ZNF718: variants seen among roughly 807,000 people sequenced by gnomAD.
ZNF718 encodes zinc finger protein 718.
ZNF718 carries 3 observed loss-of-function variants against 2.6 expected under a neutral mutation model. The ratio of observed to expected loss-of-function variants is 1.16; its 90% confidence interval spans 0.53 to 3.01. ZNF718 has a LOEUF of 3.01. ZNF718 is among the 30% of genes most tolerant of loss of function. The pLI is 0.03. For synonymous variants in ZNF718, 135 were observed against 77.9 expected (o/e 1.73, Z -3.86); for missense variants, 468 against 230.0 (o/e 2.03, Z -6.69).
At chr4:125,607 C>A (rs1028434456) in intron 1 of ZNF718, among the ~76,000 whole-genome samples, 7 of 152,142 alleles carry the variant, frequency 4.6e-5, no homozygotes, top group Admixed American at 3.3e-4. Flanking sequence ...GGAGGCGCGG[C>A]CGGGTTCTGC....
At chr4:124,958 C>T in intron 1 of ZNF718, 1 of 370,984 alleles carries the variant, frequency 2.7e-6, no homozygotes, top group Non-Finnish European at 5.0e-6. Context: ...GCGGTGCCGG[C>T]GTGGGAGGAG....
At chr4:152,714 A>G (rs1170114143) in intron 3 of ZNF718, among the ~76,000 whole-genome samples, 1 of 152,152 alleles carries the variant, frequency 6.6e-6, no homozygotes, top group African/African-American at 2.4e-5. Context: ...CCCACAAACC[A>G]AAGTGCTGGG....
chr4:153,914 T>C (rs1716450746), intron 3 of ZNF718, among the ~76,000 whole-genome samples: 1 of 152,192 alleles, frequency 6.6e-6, no homozygotes. Flanking sequence ...TATGACAATA[T>C]TCAACTGTGT....
At chr4:200,040 C>T (rs1717867935) in intron 3 of ZNF718, among the ~76,000 whole-genome samples, 1 of 152,122 alleles carries the variant, frequency 6.6e-6, no homozygotes, top group South Asian at 2.1e-4. Flanking sequence ...GCCAGTATGA[C>T]TAGTCAAATG....
chr4:170,952 C>T (rs1314121262), intron 3 of ZNF718, among the ~76,000 whole-genome samples: 1 of 152,054 alleles, frequency 6.6e-6, no homozygotes, highest in Non-Finnish European at 1.5e-5. Context: ...TTTTTCTGCT[C>T]CGTTTTTCCC....
chr4:186,315 A>G lies in ZNF718; in HGVS notation c.227-14766A>G, dbSNP rs984224413. On this transcript the variant is annotated intron_variant and NMD_transcript_variant, in intron 3 of 4. Transcript: ENST00000642529. ...TAAGAATGTTGAATATTGGCCCCCA[A>G]TCTCTTCTGGCTTGTAGGGTTTCCA... Among the ~76,000 whole-genome samples, 4 of 151,902 alleles carry G rather than the reference A, an allele frequency of 2.6e-5. No homozygotes were observed. The East Asian group carries it at 7.7e-4, about 29-fold the overall frequency.
intron 3 of ZNF718, among the ~76,000 whole-genome samples, chr4:157,103 C>CTTTT (rs199814257): frequency 4.4e-4 from 45 of 103,134 alleles, no homozygotes; most frequent in Non-Finnish European, 7.1e-4. Context: ...TTCTTTCTTT[C>CTTTT]TTTTTTTTTT....
chr4:164,599 T>C (rs1717044133), downstream of ZNF718, among the ~76,000 whole-genome samples: 1 of 152,148 alleles, frequency 6.6e-6, no homozygotes, highest in African/African-American at 2.4e-5. Context: ...GGTCAGAAAT[T>C]ATAAGAATGA....
At chr4:145,719 A>C (rs972427400) in intron 3 of ZNF718, among the ~76,000 whole-genome samples, 1 of 152,136 alleles carries the variant, frequency 6.6e-6, no homozygotes, top group East Asian at 1.9e-4. Context: ...TGGCCTCTCC[A>C]AGTGCTAGGA....
At position 157,112 on chromosome 4, in the gene ZNF718, T is replaced by C. The variant is rs1716607785; in HGVS notation, c.227-3800T>C. ...GTTTCTTTCTTTCTTTCTTTTTTTT[T>C]TTTTTTTTTTTTTTTTTTTCAGACA... On this transcript the variant is annotated intron_variant, in intron 3 of 3. Transcript: ENST00000510175. 1.5e-4 allele frequency among the ~76,000 whole-genome samples: 15 copies of C among 102,142 alleles called. 1 individual carries two copies. Among genetic ancestry groups the C allele is most frequent in the South Asian group, 3.8e-4 (1 of 2,616 alleles). The allele number at this position is 102,142 out of a possible 152,430, so 67.0% of individuals were successfully genotyped here.
At position 135,284 on chromosome 4, in the gene ZNF718, G is replaced by A. The variant is rs550420307; in HGVS notation, c.226+3779G>A. 2.7e-5 allele frequency among the ~76,000 whole-genome samples: 4 copies of A among 150,798 alleles called. No homozygotes were observed. In the East Asian group the frequency reaches 5.9e-4, roughly 22 times the overall value. ...TTTATTTTGTCAAGGTTTAGGACAC[G>A]TGCCCCTGACACAGCCTTAGGAAGT... On this transcript the variant is annotated intron_variant, in intron 3 of 3. Coordinates refer to ENST00000510175, the MANE Select transcript of ZNF718 (RefSeq NM_001039127.6).
At chr4:176,652 A>G (rs143482080) in intron 3 of ZNF718, among the ~76,000 whole-genome samples, 445 of 152,274 alleles carry the variant, frequency 2.9e-3, no homozygotes, top group Non-Finnish European at 4.4e-3. Flanking sequence ...TTCTACCTCA[A>G]TCACTCTTCT....
chr4:131,094 CCTT>C lies in ZNF718; in HGVS notation c.130+184_130+186del, dbSNP rs1330325405. Among the ~76,000 whole-genome samples, 123 of 104,136 alleles carry C rather than the reference CCTT, an allele frequency of 1.2e-3. 41 individuals carry two copies. In the South Asian group the frequency reaches 0.033, roughly 28 times the overall value. The allele number at this position is 104,136 out of a possible 152,430, so 68.3% of individuals were successfully genotyped here. A position where few individuals can be genotyped will look rare whatever the true frequency, so the allele number is the denominator to read the frequency against. Reference sequence around the variant, plus strand: ...TTAGGATGTTTCATCTTTACATAAACCTTCTTTTGAGCTAATTTGTTTCCTTCG... The same window carrying C: ...TTAGGATGTTTCATCTTTACATAAACCTTTTGAGCTAATTTGTTTCCTTCG... On this transcript the variant is annotated intron_variant, in intron 2 of 3. Coordinates refer to ENST00000510175, the MANE Select transcript of ZNF718 (RefSeq NM_001039127.6).
intron 2 of ZNF718, 21 bp from the exon 3 acceptor site, chr4:131,389 A>T: frequency 8.5e-6 from 3 of 353,838 alleles, no homozygotes; most frequent in Admixed American, 6.1e-5. Flanking sequence ...AGTCATGTTA[A>T]TTTTTTTTTT....
At chr4:180,595 A>G (rs1717444747) in intron 3 of ZNF718, among the ~76,000 whole-genome samples, 1 of 152,250 alleles carries the variant, frequency 6.6e-6, no homozygotes, top group South Asian at 2.1e-4. Flanking sequence ...TTCATTTACC[A>G]AGAAAGCATT....
intron 3 of ZNF718, among the ~76,000 whole-genome samples, chr4:187,607 C>T (rs1717594786): frequency 6.6e-6 from 1 of 152,176 alleles, no homozygotes; most frequent in South Asian, 2.1e-4. Context: ...GCAGCATGCA[C>T]ATTCCTCTGG....
intron 3 of ZNF718, among the ~76,000 whole-genome samples, chr4:140,857 A>G (rs1477206247): frequency 1.3e-5 from 2 of 152,258 alleles, no homozygotes; most frequent in African/African-American, 4.8e-5. Flanking sequence ...GACTTAAAGT[A>G]TAACTTTACT....
chr4:137,665 G>A (rs1411099110), intron 3 of ZNF718, among the ~76,000 whole-genome samples: 2 of 151,904 alleles, frequency 1.3e-5, no homozygotes, highest in Non-Finnish European at 2.9e-5. Flanking sequence ...TTCACCTCCT[G>A]TTCATTTGTT....
intron 3 of ZNF718, among the ~76,000 whole-genome samples, chr4:170,667 T>G (rs564722010): frequency 6.6e-6 from 1 of 152,218 alleles, no homozygotes; most frequent in South Asian, 2.1e-4. Flanking sequence ...GCGTTCGTCA[T>G]GTAGTTCTCA....
Sources: gnomAD v4.1 joint callset for allele counts (sites outside exome capture counted in the v4.1 genomes callset) on GRCh38, gnomAD v4.1.1 for gene constraint, MANE v1.5 for transcripts, NCBI Gene and HGNC (gene_info 2026-07-23, HGNC 2026-07-21) for gene names.